PCYT1B: variants seen among roughly 807,000 people sequenced by gnomAD.
PCYT1B encodes the protein phosphate cytidylyltransferase 1B, choline, also known as choline-phosphate cytidylyltransferase B.
In PCYT1B, 10 loss-of-function variants were observed where a neutral mutation model predicts 26.4. The ratio of observed to expected loss-of-function variants is 0.38; its 90% confidence interval spans 0.23 to 0.64. The LOEUF is 0.64. PCYT1B is among the 30% of genes least tolerant of loss of function. The pLI, the probability that PCYT1B is intolerant of heterozygous loss-of-function variation, is 0.56. For synonymous variants in PCYT1B, 131 were observed against 108.4 expected, an observed-to-expected ratio of 1.21 and a Z score of -1.29; for missense variants, 161 against 292.7, an observed-to-expected ratio of 0.55 and a Z score of 3.28.
chrX:24,599,575 C>G (rs936894962), intron 3 of PCYT1B, among the ~76,000 whole-genome samples: 1 of 111,545 alleles, frequency 9.0e-6, no homozygotes, highest in African/African-American at 3.2e-5. Context: ...TCTATGTTAA[C>G]AATTATTTAT....
At chrX:24,644,238 A>T (rs1174756875) in intron 1 of PCYT1B, among the ~76,000 whole-genome samples, 1 of 112,018 alleles carries the variant, frequency 8.9e-6, no homozygotes, top group East Asian at 2.8e-4. Context: ...CCCTACAGTG[A>T]TCAAAGTTAG....
rs181163685 is a variant in PCYT1B at position 24,591,904 on chromosome X, T to C, written c.335-1730A>G. Among the ~76,000 whole-genome samples, 31 of 111,925 alleles carry C rather than the reference T, an allele frequency of 2.8e-4. No homozygotes were observed. The East Asian group carries it at 7.6e-3, about 27-fold the overall frequency. ...TCATACCTTTATCATTTCTTTGTGGTAAGAACATTCAAAATTCTGTCTTAT... is the reference window on the plus strand; with the variant it reads ...TCATACCTTTATCATTTCTTTGTGGCAAGAACATTCAAAATTCTGTCTTAT... On this transcript the variant is annotated intron_variant, in intron 3 of 7. Transcript: ENST00000379144.
At chrX:24,592,908 C>T (rs183181355) in intron 3 of PCYT1B, among the ~76,000 whole-genome samples, 50 of 111,955 alleles carry the variant, frequency 4.5e-4, no homozygotes, top group African/African-American at 1.6e-3. Flanking sequence ...CCCCTACCCT[C>T]TTCTTTTTTT....
intron 1 of PCYT1B, among the ~76,000 whole-genome samples, chrX:24,634,125 C>T (rs903293704): frequency 3.6e-5 from 4 of 111,030 alleles, no homozygotes; most frequent in Non-Finnish European, 7.5e-5. Flanking sequence ...TACTATGTTG[C>T]CCAGGATGGT....
At chrX:24,593,432 CCTTTCTTT>C (rs1182970709) in intron 3 of PCYT1B, among the ~76,000 whole-genome samples, 68 of 77,520 alleles carry the variant, frequency 8.8e-4, no homozygotes, top group Non-Finnish European at 1.2e-3. Context: ...TTCTTTCTTT[CCTTTCTTT>C]CTTTCTTTTC....
At chrX:24,634,904 C>G (rs923215967) in intron 1 of PCYT1B, among the ~76,000 whole-genome samples, 2 of 112,012 alleles carry the variant, frequency 1.8e-5, no homozygotes, top group African/African-American at 6.5e-5. Context: ...AGGTACCAAC[C>G]ACGACAACCC....
rs1926657106 is a variant in PCYT1B, at chrX:24,647,206, C to T, written c.-101G>A. The T allele has an allele frequency of 9.2e-7, 1 of 1,084,859 alleles. No homozygotes were observed. 89.4% of individuals were successfully genotyped at this position (1,084,859 alleles called of 1,213,427 possible). ...TATTTTTCTCCCCTCTACCCTCCAC[C>T]CATCCCCCCGCTTCTTCTCCCCTTC... On this transcript the variant is annotated 5_prime_UTR_variant, in exon 1 of 8. Transcript: ENST00000379144.
chrX:24,610,939 T>C (rs1367503816), intron 2 of PCYT1B, among the ~76,000 whole-genome samples: 2 of 112,391 alleles, frequency 1.8e-5, no homozygotes, highest in African/African-American at 3.2e-5. Flanking sequence ...ATGGACATTA[T>C]TGGGTTCAAA....
intron 1 of PCYT1B, among the ~76,000 whole-genome samples, chrX:24,643,381 G>A (rs745784767): frequency 3.6e-5 from 4 of 111,370 alleles, no homozygotes; most frequent in Non-Finnish European, 7.5e-5. Flanking sequence ...TGTTTAATCA[G>A]GAAAATAGTA....
At chrX:24,595,884 G>GA (rs1180138372) in intron 3 of PCYT1B, among the ~76,000 whole-genome samples, 1,775 of 55,944 alleles carry the variant, frequency 0.032, 27 homozygotes, top group Non-Finnish European at 0.047. Context: ...CTGTCTCAAA[G>GA]AAAAAAAAAA....
intron 3 of PCYT1B, among the ~76,000 whole-genome samples, chrX:24,590,790 C>CTTTTT (rs1226692293): frequency 9.3e-5 from 7 of 75,334 alleles, no homozygotes; most frequent in Non-Finnish European, 1.7e-4. Flanking sequence ...TCACATCTCT[C>CTTTTT]TTTTTTTTTT....
At chrX:24,627,820 T>G (rs1279430036) in intron 1 of PCYT1B, among the ~76,000 whole-genome samples, 2 of 111,126 alleles carry the variant, frequency 1.8e-5, no homozygotes, top group African/African-American at 3.3e-5. Context: ...TTTGGATCCA[T>G]AAAACTTGAA....
chrX:24,662,132 G>A (rs948283436), intron 1 of PCYT1B, among the ~76,000 whole-genome samples: 15 of 109,852 alleles, frequency 1.4e-4, no homozygotes, highest in Non-Finnish European at 1.7e-4. Flanking sequence ...TTGCGCCACC[G>A]CACTCCAGCC....
chrX:24,582,796 C>T (rs983762487), intron 5 of PCYT1B, among the ~76,000 whole-genome samples: 1 of 111,885 alleles, frequency 8.9e-6, no homozygotes, highest in Non-Finnish European at 1.9e-5. Flanking sequence ...TCAAAATAAG[C>T]CATGATTTGA....
chrX:24,631,089 A>AT (rs1361114207), intron 1 of PCYT1B, among the ~76,000 whole-genome samples: 11 of 111,126 alleles, frequency 9.9e-5, no homozygotes, highest in Non-Finnish European at 2.1e-4. Context: ...TGCCCGGCTA[A>AT]TTTTTTGTAC....
At chrX:24,569,124 T>C (rs1465713721) in intron 7 of PCYT1B, among the ~76,000 whole-genome samples, 1 of 110,972 alleles carries the variant, frequency 9.0e-6, no homozygotes, top group Non-Finnish European at 1.9e-5. Flanking sequence ...AACAATCTTT[T>C]TTTAAAAAAA....
At chrX:24,613,163 C>A (rs1925362034) in intron 2 of PCYT1B, among the ~76,000 whole-genome samples, 1 of 111,700 alleles carries the variant, frequency 9.0e-6, no homozygotes. Context: ...CTTGTTGGTA[C>A]CTGCTAGAAA....
In PCYT1B at chrX:24,647,125, T is replaced by C. The variant is rs777196760; in HGVS notation, c.-20A>G. 14 of 1,196,752 alleles carry C rather than the reference T, an allele frequency of 1.2e-5. No homozygotes were observed. In the South Asian group the frequency reaches 1.8e-4, roughly 16 times the overall value. ...TGGCATGGCCAGTGAATGCTCCCTCTAGCTCTACACCCTCAGAGAGTCTCC... is the reference window on the plus strand; with the variant it reads ...TGGCATGGCCAGTGAATGCTCCCTCCAGCTCTACACCCTCAGAGAGTCTCC... On this transcript the variant is annotated 5_prime_UTR_variant, in exon 1 of 8. Transcript: ENST00000379144.
intron 1 of PCYT1B, among the ~76,000 whole-genome samples, chrX:24,623,364 C>CATATATATATATATATATAT (rs57642734): frequency 1.3e-4 from 10 of 79,675 alleles, no homozygotes; most frequent in Non-Finnish European, 1.9e-4. Flanking sequence ...ATGAGATTTA[C>CATATATATATATATATATAT]ATATATATAT....
Sources: allele counts gnomAD v4.1 joint callset (sites outside exome capture counted in the v4.1 genomes callset), GRCh38; gene constraint gnomAD v4.1.1; transcripts MANE v1.5; gene names NCBI Gene and HGNC (gene_info 2026-07-23, HGNC 2026-07-21).